The following MOCOS variants were observed in gnomAD, a reference collection of about 807,000 sequenced individuals.
MOCOS encodes the protein molybdenum cofactor sulfurase.
In MOCOS, 86 loss-of-function variants were observed where a neutral mutation model predicts 83.6. The observed-to-expected ratio is 1.03, with a 90% CI of 0.86 to 1.23. The LOEUF is 1.23. Ranked by LOEUF, MOCOS falls within the 50% of genes most tolerant of loss-of-function variation. The pLI, the probability that MOCOS is intolerant of heterozygous loss-of-function variation, is 0.00. For synonymous variants in MOCOS, 445 were observed against 434.7 expected (o/e 1.02, Z -0.29); for missense variants, 1,120 against 1,126.9 (o/e 0.99, Z 0.09).
chr18:36,239,505 C>T (rs2091572973), intron 9 of MOCOS, among the ~76,000 whole-genome samples: 1 of 151,648 alleles, frequency 6.6e-6, no homozygotes, highest in Admixed American at 6.6e-5. Flanking sequence ...AAGAGATCCG[C>T]TGTTAGTCTG....
intron 13 of MOCOS, among the ~76,000 whole-genome samples, chr18:36,260,984 C>T (rs769085191): frequency 1.3e-5 from 2 of 151,874 alleles, no homozygotes; most frequent in South Asian, 2.1e-4. Context: ...CGCAGGGTCA[C>T]GTTCTGCTTA....
At chr18:36,266,903 C>CA (rs750991625) in intron 14 of MOCOS, 50 bp downstream of exon 14, 1 of 1,401,698 alleles carries the variant, frequency 7.1e-7, no homozygotes, top group South Asian at 1.2e-5. Flanking sequence ...CTGGTGTTAT[C>CA]AATACCAGAA....
At chr18:36,226,328 T>G (rs1046932271) in intron 9 of MOCOS, among the ~76,000 whole-genome samples, 1 of 152,172 alleles carries the variant, frequency 6.6e-6, no homozygotes, top group Non-Finnish European at 1.5e-5. Context: ...ATGGACATAA[T>G]TATAGCCACT....
intron 6 of MOCOS, among the ~76,000 whole-genome samples, chr18:36,210,370 G>A (rs1462201578): frequency 6.6e-6 from 1 of 152,124 alleles, no homozygotes; most frequent in Non-Finnish European, 1.5e-5. Context: ...TGGCAGCTGT[G>A]CAGACCCCTT....
At chr18:36,220,429 A>C (rs1021903459) in intron 9 of MOCOS, among the ~76,000 whole-genome samples, 1 of 152,012 alleles carries the variant, frequency 6.6e-6, no homozygotes, top group Non-Finnish European at 1.5e-5. Flanking sequence ...GAATCACTTG[A>C]ACCCGGGAGG....
At chr18:36,207,077 C>T (rs765036497) in intron 6 of MOCOS, among the ~76,000 whole-genome samples, 21 of 152,150 alleles carry the variant, frequency 1.4e-4, no homozygotes, top group Admixed American at 1.4e-3. Context: ...CACTTTGTTG[C>T]CCAAGCTGGA....
intron 4 of MOCOS, among the ~76,000 whole-genome samples, chr18:36,200,526 C>A (rs541031678): frequency 1.3e-5 from 2 of 152,222 alleles, no homozygotes; most frequent in South Asian, 4.1e-4. Flanking sequence ...GTGAACTCTA[C>A]CCCCATTTGA....
chr18:36,218,908 G>A lies in MOCOS; in HGVS notation c.1798-1147G>A, dbSNP rs183384803. Among the ~76,000 whole-genome samples, 25 of 148,466 alleles carry A rather than the reference G, an allele frequency of 1.7e-4. No individual in the cohort carries two copies. The East Asian group carries it at 3.2e-3, about 19-fold the overall frequency. ...TTTTGAGATGAAGTCTCGCTCTGTCGCCCAGACTGGAGTGCAATGGCACGA... is the reference window on the plus strand; with the variant it reads ...TTTTGAGATGAAGTCTCGCTCTGTCACCCAGACTGGAGTGCAATGGCACGA... On this transcript the variant is annotated intron_variant, in intron 8 of 14. Coordinates refer to ENST00000261326, the MANE Select transcript of MOCOS (RefSeq NM_017947.4).
chr18:36,240,831 CGTG>C (rs1568063224), intron 9 of MOCOS, among the ~76,000 whole-genome samples: 1 of 152,194 alleles, frequency 6.6e-6, no homozygotes, highest in Non-Finnish European at 1.5e-5. Context: ...GATATAATCT[CGTG>C]GTGCGCCGTT....
chr18:36,235,870 T>C (rs1453906931), intron 9 of MOCOS, among the ~76,000 whole-genome samples: 1 of 151,546 alleles, frequency 6.6e-6, no homozygotes, highest in Non-Finnish European at 1.5e-5. Context: ...TTTGCATTTC[T>C]CTGATGGCCA....
At chr18:36,189,524 C>T (rs1241137778) in intron 1 of MOCOS, among the ~76,000 whole-genome samples, 1 of 152,124 alleles carries the variant, frequency 6.6e-6, no homozygotes, top group African/African-American at 2.4e-5. Context: ...AGTTTTTCTG[C>T]CAATTTGAGA....
At chr18:36,229,288 C>G (rs186984941) in intron 9 of MOCOS, among the ~76,000 whole-genome samples, 1 of 151,832 alleles carries the variant, frequency 6.6e-6, no homozygotes. Flanking sequence ...GTATGGTATT[C>G]TTGTTGGCAG....
chr18:36,220,741 C>T (rs371641058), intron 9 of MOCOS, among the ~76,000 whole-genome samples: 83 of 151,906 alleles, frequency 5.5e-4, no homozygotes, highest in African/African-American at 1.2e-3. Flanking sequence ...GCCAACATGA[C>T]GAAACCCCTT....
At chr18:36,215,276 T>C (rs1469054824) in intron 7 of MOCOS, among the ~76,000 whole-genome samples, 1 of 152,146 alleles carries the variant, frequency 6.6e-6, no homozygotes, top group Non-Finnish European at 1.5e-5. Context: ...TATTAAACTT[T>C]TAATGGCCCC....
chr18:36,243,217 A>G (rs1242659202), intron 9 of MOCOS, among the ~76,000 whole-genome samples: 1 of 152,180 alleles, frequency 6.6e-6, no homozygotes, highest in Non-Finnish European at 1.5e-5. Flanking sequence ...TATCATTGGC[A>G]AACAGGGACA....
chr18:36,219,188 A>AT (rs199797963), intron 8 of MOCOS, among the ~76,000 whole-genome samples: 6 of 146,410 alleles, frequency 4.1e-5, no homozygotes, highest in African/African-American at 1.6e-4. Context: ...TTATTATTTT[A>AT]TTTTATTTTT....
rs2091691537 is a variant in MOCOS, at chr18:36,269,182, A to G, written c.*497A>G. ...GGTGTGGGTTTATGCTCAGGGGCCCAGAGGGTAACTTGTGACCACATTCCT... is the reference window on the plus strand; with the variant it reads ...GGTGTGGGTTTATGCTCAGGGGCCCGGAGGGTAACTTGTGACCACATTCCT... On this transcript the variant is annotated 3_prime_UTR_variant, in exon 15 of 15. Transcript: ENST00000261326. The G allele has an allele frequency of 6.1e-6, 1 of 164,232 alleles. No individual in the cohort carries two copies. Among genetic ancestry groups the G allele is most frequent in the South Asian group, 1.6e-4 (1 of 6,244 alleles). The allele number at this position is 164,232 out of a possible 1,614,324, so 10.2% of individuals were successfully genotyped here.
Position 36,269,108 on chromosome 18 carries a change from C to G in MOCOS, c.*423C>G. On this transcript the variant is annotated 3_prime_UTR_variant, in exon 15 of 15. Transcript: ENST00000261326. ...TGTAGTGAGGAAGGGAGTCTATGCCCAGTGATCCTGGGTATGAGAAGGTGC... is the reference window on the plus strand; with the variant it reads ...TGTAGTGAGGAAGGGAGTCTATGCCGAGTGATCCTGGGTATGAGAAGGTGC... 4.8e-6 allele frequency: 1 copy of G among 209,588 alleles called. No homozygotes were observed. Among genetic ancestry groups the G allele is most frequent in the Non-Finnish European group, 9.7e-6 (1 of 103,102 alleles). 13.0% of individuals were successfully genotyped at this position (209,588 alleles called of 1,614,324 possible).
Position 36,251,139 on chromosome 18 carries a change from TTCTC to T in MOCOS, c.2040-12_2040-9del. The T allele has an allele frequency of 3.7e-6, 6 of 1,606,434 alleles. No individual in the cohort carries two copies. Among genetic ancestry groups the T allele is most frequent in the South Asian group, 1.1e-5 (1 of 90,910 alleles). On this transcript the variant is annotated splice_polypyrimidine_tract_variant and intron_variant, in intron 10 of 14. Coordinates refer to ENST00000261326, the MANE Select transcript of MOCOS (RefSeq NM_017947.4). ...TAAATACTATGTAACAGTTCACTCT[TTCTC>T]TCTCTCTTTTGCCAGAGTAAGTACT... is the stretch of plus-strand genomic sequence containing the variant.
Sources: gnomAD v4.1 joint callset for allele counts (sites outside exome capture counted in the v4.1 genomes callset) on GRCh38, gnomAD v4.1.1 for gene constraint, MANE v1.5 for transcripts, NCBI Gene and HGNC (gene_info 2026-07-23, HGNC 2026-07-21) for gene names.